The following LPA variants were observed in gnomAD, a reference collection of about 807,000 sequenced individuals.
LPA encodes the protein apolipoprotein(a).
Under a neutral mutation model 197.9 loss-of-function variants are expected in LPA, and 199 were observed. The observed-to-expected ratio is 1.01, with a 90% CI of 0.90 to 1.13. LPA has a LOEUF of 1.13. Among genes scored for constraint, LPA ranks in the 50% most tolerant of loss-of-function variants. The pLI, the probability that LPA is intolerant of heterozygous loss-of-function variation, is 0.00. For synonymous variants in LPA, 715 were observed against 639.5 expected, an observed-to-expected ratio of 1.12 and a Z score of -1.78; for missense variants, 1,853 against 1,785.8, an observed-to-expected ratio of 1.04 and a Z score of -0.68.
intron 14 of LPA, among the ~76,000 whole-genome samples, chr6:160,615,432 C>A (rs1779580862): frequency 9.1e-6 from 1 of 109,944 alleles, no homozygotes; most frequent in Non-Finnish European, 1.8e-5. Flanking sequence ...GTAATGTTTT[C>A]CTCTGAAACG....
At chr6:160,537,741 G>C in intron 37 of LPA, 114 bp downstream of exon 37, 1 of 981,292 alleles carries the variant, frequency 1.0e-6, no homozygotes, top group Admixed American at 2.0e-5. Context: ...GTCAGGAGTG[G>C]GTAGACCACA....
Position 160,600,971 on chromosome 6 carries a change from A to C in LPA, c.3073T>G (p.Phe1025Val). The change falls in exon 19 of 39, where the codon TTC becomes GTC. Residue 1025 changes from phenylalanine (F) to valine (V), a missense_variant. Around this residue, in one of 3 missense-constraint regions of LPA, gnomAD observed 1,737 missense variants for 1,504.4 expected, o/e 1.15. Transcript: ENST00000316300. ...GCCAGAATAACATTCGGAGGGACGA[A>C]GGCAGTCCATTCTGCATCTGAGCAT... ...TRCSDAEWTA[F>V]VPPNVILAPS... 1 of 1,613,892 alleles carries C rather than the reference A, an allele frequency of 6.2e-7. No individual in the cohort carries two copies. The highest frequency in any genetic ancestry group is 8.5e-7 in the Non-Finnish European group (1 of 1,179,976).
chr6:160,561,988 T>C (rs894403317), intron 28 of LPA, among the ~76,000 whole-genome samples: 4 of 152,238 alleles, frequency 2.6e-5, no homozygotes, highest in African/African-American at 9.6e-5. Flanking sequence ...TAGAGTTTTC[T>C]AAATATACAA....
chr6:160,545,660 C>A, intron 32 of LPA, 127 bp from the exon 33 acceptor site: 1 of 708,484 alleles, frequency 1.4e-6, no homozygotes, highest in African/African-American at 1.8e-5. Flanking sequence ...TCCTTTCTAT[C>A]ATTATTATAT....
Position 160,586,447 on chromosome 6 carries a change from A to G in LPA, c.4129+2T>C, listed in dbSNP as rs1778911637. 1.9e-6 allele frequency: 3 copies of G among 1,613,408 alleles called. No homozygotes were observed. Among genetic ancestry groups the G allele is most frequent in the African/African-American group, 2.7e-5 (2 of 74,984 alleles). ...ATGGTTGTCTGACTGCAGGCTTCTT[A>G]CCTTCTTCAGAAGGAAGCTCTGTGC... is the stretch of plus-strand genomic sequence containing the variant. On this transcript the variant is annotated splice_donor_variant, in intron 25 of 38. Transcript: ENST00000316300. LOFTEE classifies it high-confidence loss of function.
chr6:160,608,160 T>G (rs1485684357), intron 16 of LPA, among the ~76,000 whole-genome samples: 1 of 152,196 alleles, frequency 6.6e-6, no homozygotes. Flanking sequence ...TGCCAATTGC[T>G]GGGTTCTTCA....
At chr6:160,578,826 C>A in intron 26 of LPA, 122 bp from the exon 27 acceptor site, 1 of 1,392,380 alleles carries the variant, frequency 7.2e-7, no homozygotes, top group South Asian at 1.2e-5. Flanking sequence ...CCCATTATAC[C>A]ACAATAATAT....
At chr6:160,610,330 G>A (rs375052179) in intron 16 of LPA, among the ~76,000 whole-genome samples, 2 of 152,144 alleles carry the variant, frequency 1.3e-5, no homozygotes, top group Non-Finnish European at 2.9e-5. Context: ...CTTTTCAGCT[G>A]TGCAAGGGGT....
intron 33 of LPA, 132 bp from the exon 34 acceptor site, chr6:160,542,940 C>T: frequency 1.6e-6 from 2 of 1,255,196 alleles, no homozygotes; most frequent in African/African-American, 1.5e-5. Context: ...ATCATAAACA[C>T]TCTTTAGATT....
At chr6:160,555,514 T>C (rs551951578) in intron 30 of LPA, among the ~76,000 whole-genome samples, 2 of 147,612 alleles carry the variant, frequency 1.4e-5, no homozygotes, top group Non-Finnish European at 3.0e-5. Context: ...AACATATATA[T>C]ATGAACATAT....
In LPA at chr6:160,577,158, T is replaced by A; in HGVS notation, c.4609A>T (p.Thr1537Ser). 6.2e-7 allele frequency: 1 copy of A among 1,613,792 alleles called. No homozygotes were observed. Among genetic ancestry groups the A allele is most frequent in the South Asian group, 1.1e-5 (1 of 91,068 alleles). Reference protein sequence around the residue: ...SSMIPHWHQRTPENYPNAGLT... With the variant: ...SSMIPHWHQRSPENYPNAGLT... ...TACGCATTTGGGTAGTTTTCTGGGG[T>A]CCTCTGATGCCAGTGTGGTATCATA... The change falls in exon 28 of 39, where the codon ACC becomes TCC. Residue 1537 changes from threonine to serine, a missense_variant. This residue lies in a region of LPA where 1,737 missense variants were observed against 1,504.4 expected (regional missense o/e 1.15). Coordinates refer to ENST00000316300, the MANE Select transcript of LPA (RefSeq NM_005577.4).
chr6:160,647,559 T>C (rs1779919847), intron 2 of LPA, among the ~76,000 whole-genome samples: 1 of 152,220 alleles, frequency 6.6e-6, no homozygotes, highest in Non-Finnish European at 1.5e-5. Context: ...GACTTTTTTT[T>C]CTTCCTTGGC....
At chr6:160,662,682 T>A (rs958301982) in intron 1 of LPA, among the ~76,000 whole-genome samples, 5 of 152,136 alleles carry the variant, frequency 3.3e-5, no homozygotes, top group Non-Finnish European at 7.4e-5. Flanking sequence ...GACACCAATT[T>A]CCCCAAAAAA....
intron 28 of LPA, among the ~76,000 whole-genome samples, chr6:160,565,103 A>G (rs1229931482): frequency 4.0e-5 from 6 of 151,634 alleles, no homozygotes; most frequent in Non-Finnish European, 7.4e-5. Flanking sequence ...GGGGCAGGGC[A>G]TAGCTGAACA....
chr6:160,591,093 G>A lies in LPA; in HGVS notation c.3638C>T (p.Thr1213Ile), dbSNP rs1217454905. Residue 1213 changes from threonine (T) to isoleucine (I), a missense_variant, in exon 23 of 39, where the codon ACC becomes ATC. Coordinates refer to ENST00000316300, the MANE Select transcript of LPA (RefSeq NM_005577.4). ...ATCTGGATTCCTGCAGTAGTTCCTG[G>A]TCAGGCCACTGCAAATTACAAAACA... ...TTEYYPNGGLTRNYCRNPDAE... is the reference protein window; with the variant it reads ...TTEYYPNGGLIRNYCRNPDAE... 1.9e-6 allele frequency: 3 copies of A among 1,613,460 alleles called. No homozygotes were observed. Among genetic ancestry groups the A allele is most frequent in the Non-Finnish European group, 2.5e-6 (3 of 1,179,898 alleles).
intron 26 of LPA, 48 bp from the exon 27 acceptor site, chr6:160,578,752 A>C: frequency 6.2e-7 from 1 of 1,613,034 alleles, no homozygotes; most frequent in Admixed American, 1.7e-5. Context: ...GAGAATATTC[A>C]AGGGCACTTA....
At chr6:160,651,185 C>T (rs1779999306) in intron 1 of LPA, among the ~76,000 whole-genome samples, 1 of 152,178 alleles carries the variant, frequency 6.6e-6, no homozygotes, top group African/African-American at 2.4e-5. Flanking sequence ...CTTCAAAGCC[C>T]TGCAGAACCT....
At chr6:160,540,666 T>A (rs1777967106) in intron 35 of LPA, among the ~76,000 whole-genome samples, 1 of 152,218 alleles carries the variant, frequency 6.6e-6, no homozygotes, top group Non-Finnish European at 1.5e-5. Context: ...GATTGTAATC[T>A]TCCTTAGGCC....
chr6:160,599,125 C>T (rs1003004739), intron 20 of LPA, among the ~76,000 whole-genome samples: 5 of 152,138 alleles, frequency 3.3e-5, no homozygotes, highest in Non-Finnish European at 5.9e-5. Context: ...AGGCGGATCA[C>T]GAGGTCAGGA....
Sources: allele counts gnomAD v4.1 joint callset (sites outside exome capture counted in the v4.1 genomes callset), GRCh38; gene constraint gnomAD v4.1.1; regional missense constraint gnomAD v4.1.1; transcripts MANE v1.5; gene names NCBI Gene and HGNC (gene_info 2026-07-23, HGNC 2026-07-21).